ACSBG1: variants seen among roughly 807,000 people sequenced by gnomAD.
ACSBG1 encodes long-chain-fatty-acid--CoA ligase ACSBG1.
A neutral mutation model predicts 80.2 loss-of-function variants in ACSBG1; 39 were observed. The ratio of observed to expected loss-of-function variants is 0.49; its 90% CI spans 0.38 to 0.64. ACSBG1 has a LOEUF of 0.64. Among genes scored for constraint, ACSBG1 ranks in the 30% least tolerant of loss-of-function variants. ACSBG1 has a pLI of 0.00. For synonymous variants in ACSBG1, 392 were observed against 379.5 expected, an observed-to-expected ratio of 1.03 and a Z score of -0.38; for missense variants, 828 against 966.4, an observed-to-expected ratio of 0.86 and a Z score of 1.90.
chr15:78,187,270 T>C (rs2075013380), intron 5 of ACSBG1, among the ~76,000 whole-genome samples: 1 of 152,214 alleles, frequency 6.6e-6, no homozygotes, highest in African/African-American at 2.4e-5. Flanking sequence ...TACCATTCCT[T>C]CTGAAACTAT....
At position 78,167,570 on chromosome 15, in the gene ACSBG1, C is replaced by T. The variant is rs2074760833; in HGVS notation, c.*3874G>A. On this transcript the variant is annotated 3_prime_UTR_variant, in exon 14 of 14. Coordinates refer to ENST00000258873, the MANE Select transcript of ACSBG1 (RefSeq NM_015162.5). ...GTATACAGTTCAATAATGTTAAGTA[C>T]ATTCACATTGTAATGTAACCATCAC... 1 of 152,206 alleles carries T rather than the reference C, an allele frequency of 6.6e-6. No individual in the cohort carries two copies. The highest frequency in any genetic ancestry group is 6.5e-5 in the Admixed American group (1 of 15,282). 9.4% of individuals were successfully genotyped at this position (152,206 alleles called of 1,614,324 possible).
In ACSBG1 at chr15:78,179,574, C is replaced by T. The variant is rs781011755; in HGVS notation, c.1460G>A (p.Ser487Asn). 5.6e-6 allele frequency: 9 copies of T among 1,613,708 alleles called. No individual in the cohort carries two copies. The highest frequency in any genetic ancestry group is 7.6e-6 in the Non-Finnish European group (9 of 1,179,754). Residue 487 changes from serine to asparagine, a missense_variant, in exon 10 of 14, where the codon AGT becomes AAT. This residue lies in a region of ACSBG1 where 271 missense variants were observed against 375.9 expected (regional missense o/e 0.72). Coordinates refer to ENST00000258873, the MANE Select transcript of ACSBG1 (RefSeq NM_015162.5). ...SETSGPHFMS[S>N]PYNYRLYSSG... is the part of the protein sequence containing the mutation. The stretch of plus-strand genomic sequence containing the variant: ...CCTGTACAGCCGGTAGTTGTAGGGA[C>T]TGGACATGAAGTGGGGGCCTGAGGT...
intron 1 of ACSBG1, among the ~76,000 whole-genome samples, chr15:78,220,633 A>G (rs2075352772): frequency 6.6e-6 from 1 of 152,258 alleles, no homozygotes; most frequent in Admixed American, 6.5e-5. Flanking sequence ...AAGAAGACAA[A>G]TAATCCAGTT....
intron 8 of ACSBG1, 51 bp from the exon 9 acceptor site, chr15:78,180,987 C>G (rs776682887): frequency 9.5e-6 from 15 of 1,584,368 alleles, no homozygotes; most frequent in Non-Finnish European, 1.3e-5. Context: ...ATCTGGGGCC[C>G]AGGGGTCCCC....
chr15:78,178,262 G>A lies in ACSBG1; in HGVS notation c.1702+352C>T, dbSNP rs1409100587. 6.6e-6 allele frequency among the ~76,000 whole-genome samples: 1 copy of A among 152,162 alleles called. No individual in the cohort carries two copies. Among genetic ancestry groups the A allele is most frequent in the African/African-American group, 2.4e-5 (1 of 41,450 alleles). ...GTGGAATTCCTGCTCCCACCCCACT[G>A]CAGCTGTCCAGGGCGCTTGCCTTTT... On this transcript the variant is annotated intron_variant, in intron 11 of 13. Coordinates refer to ENST00000258873, the MANE Select transcript of ACSBG1 (RefSeq NM_015162.5). This position sits in a 1 kb window ranked among gnomAD's most constrained non-coding sequence, Gnocchi z 4.3.
chr15:78,229,579 G>C (rs2075430337), intron 1 of ACSBG1, among the ~76,000 whole-genome samples: 1 of 152,162 alleles, frequency 6.6e-6, no homozygotes, highest in African/African-American at 2.4e-5. Context: ...GCTCTTAGGG[G>C]GCTCCTCTCT....
intron 8 of ACSBG1, chr15:78,181,167 A>T (rs985054182): frequency 3.7e-6 from 2 of 537,264 alleles, no homozygotes; most frequent in Non-Finnish European, 6.6e-6. Flanking sequence ...CCTCAGTCTC[A>T]TCCCAGCCCT....
rs570976972 is a variant in ACSBG1, at chr15:78,210,786, G to A, written c.132-2684C>T. The stretch of plus-strand genomic sequence containing the variant: ...GCACCACAAAACCTGGCTAATTTTT[G>A]TATTTTTTGTAGAGACAGGGTCTTG... On this transcript the variant is annotated intron_variant, in intron 1 of 13. Transcript: ENST00000258873. Among the ~76,000 whole-genome samples the A allele has an allele frequency of 7.4e-4, 113 of 152,210 alleles. 1 individual carries two copies. Among genetic ancestry groups the A allele is most frequent in the African/African-American group, 1.9e-3 (80 of 41,516 alleles).
At chr15:78,193,369 C>G (rs2075074194) in intron 5 of ACSBG1, 137 bp downstream of exon 5, 2 of 1,276,562 alleles carry the variant, frequency 1.6e-6, no homozygotes, top group Admixed American at 5.0e-5. Flanking sequence ...GCCTTGCTTG[C>G]TGTGTATGCA....
Position 78,194,723 on chromosome 15 carries a change from T to G in ACSBG1, c.236A>C (p.Glu79Ala). Residue 79 changes from glutamate (E) to alanine (A), a missense_variant, in exon 3 of 14, where the codon GAG becomes GCG. Coordinates refer to ENST00000258873, the MANE Select transcript of ACSBG1 (RefSeq NM_015162.5). The stretch of plus-strand genomic sequence containing the variant: ...ATCGGCCCGAGTCGTCCACAGCGCC[T>G]CCTCTGTGGGGTGGGGGAGACCACA... Reference protein sequence around the residue: ...VNNAQWDAPEEALWTTRADGR... With the variant: ...VNNAQWDAPEAALWTTRADGR... The G allele has an allele frequency of 6.2e-7, 1 of 1,611,910 alleles. No homozygotes were observed. The highest frequency in any genetic ancestry group is 8.5e-7 in the Non-Finnish European group (1 of 1,179,702).
chr15:78,208,089 TGTCA>T lies in ACSBG1; in HGVS notation c.141_144del (p.Asp48GlyfsTer9). 1 of 1,613,716 alleles carries T rather than the reference TGTCA, an allele frequency of 6.2e-7. No individual in the cohort carries two copies. Among genetic ancestry groups the T allele is most frequent in the Non-Finnish European group, 8.5e-7 (1 of 1,179,846 alleles). On this transcript the variant is annotated frameshift_variant, in exon 2 of 14. Transcript: ENST00000258873. LOFTEE classifies it high-confidence loss of function. ...AGGGACTCTTTGGAGAGTGGCTGCC[TGTCA>T]GTCAGTGAGCTGGGGTGGTGAGGGG...
At chr15:78,185,447 GC>G (rs1332398429) in intron 5 of ACSBG1, among the ~76,000 whole-genome samples, 2 of 152,030 alleles carry the variant, frequency 1.3e-5, no homozygotes, top group East Asian at 3.8e-4. Flanking sequence ...CTACCTAAAG[GC>G]CTGGCCTAAA....
intron 1 of ACSBG1, chr15:78,212,450 A>T (rs1470854824): frequency 2.4e-6 from 1 of 423,344 alleles, no homozygotes; most frequent in Non-Finnish European, 4.8e-6. Flanking sequence ...AAAAAACCCT[A>T]AACCCAAGTC....
chr15:78,182,937 C>A, intron 5 of ACSBG1, 152 bp from the exon 6 acceptor site: 1 of 740,090 alleles, frequency 1.4e-6, no homozygotes, highest in South Asian at 1.7e-5. Flanking sequence ...CCACCCTTCA[C>A]CCATAGTTTC....
rs2074821768 is a variant in ACSBG1 at position 78,171,512 on chromosome 15, T to G, written c.2107A>C (p.Lys703Gln). ...GGELGPTMKL[K>Q]RLTVLEKYKG... ...TACTTCTCCAAAACTGTGAGCCGTT[T>G]CAGTTTCATCGTGGGACCTAAAAGG... Residue 703 changes from lysine to glutamine, a missense_variant, in exon 14 of 14, where the codon AAA becomes CAA. Physicochemically the swap from Lys to Gln is moderately conservative, Grantham distance 53 (BLOSUM62 1). This residue lies in a region of ACSBG1 where 201 missense variants were observed against 227.0 expected (regional missense o/e 0.89). Coordinates refer to ENST00000258873, the MANE Select transcript of ACSBG1 (RefSeq NM_015162.5). 2 of 1,614,050 alleles carry G rather than the reference T, an allele frequency of 1.2e-6. No homozygotes were observed. The highest frequency in any genetic ancestry group is 1.7e-6 in the Non-Finnish European group (2 of 1,179,984).
intron 2 of ACSBG1, among the ~76,000 whole-genome samples, chr15:78,206,370 T>A (rs950415933): frequency 1.3e-5 from 2 of 152,130 alleles, no homozygotes; most frequent in African/African-American, 4.8e-5. Context: ...GGAGCCCTCC[T>A]TCCTCAGCCT....
intron 2 of ACSBG1, among the ~76,000 whole-genome samples, chr15:78,198,385 C>T (rs995893296): frequency 2.8e-5 from 4 of 144,230 alleles, no homozygotes; most frequent in East Asian, 2.1e-4. Flanking sequence ...CTCACTCTGT[C>T]GCCCAGGCTG....
At chr15:78,190,484 T>C (rs532643421) in intron 5 of ACSBG1, among the ~76,000 whole-genome samples, 1 of 145,232 alleles carries the variant, frequency 6.9e-6, no homozygotes, top group East Asian at 2.3e-4. Context: ...GGTGGGAGGA[T>C]TGCTTGAGCC....
intron 1 of ACSBG1, among the ~76,000 whole-genome samples, chr15:78,220,756 G>A (rs948848981): frequency 6.6e-6 from 1 of 152,122 alleles, no homozygotes; most frequent in African/African-American, 2.4e-5. Context: ...GCAAATCAAA[G>A]TCACAATTAG....
Sources: gnomAD v4.1 joint callset for allele counts (sites outside exome capture counted in the v4.1 genomes callset) on GRCh38, gnomAD v4.1.1 for gene constraint, gnomAD v4.1.1 regional missense constraint, Gnocchi (gnomAD v3.1) non-coding constraint, MANE v1.5 for transcripts, NCBI Gene and HGNC (gene_info 2026-07-23, HGNC 2026-07-21) for gene names.